Variants in HUWE1 observed in about 807,000 individuals in gnomAD.
The protein encoded by HUWE1 is E3 ubiquitin-protein ligase HUWE1.
A neutral mutation model predicts 299.4 loss-of-function variants in HUWE1; 18 were observed. The ratio of observed to expected loss-of-function variants is 0.06; its 90% confidence interval spans 0.04 to 0.09. The LOEUF is 0.09. Among genes scored for constraint, HUWE1 ranks in the 10% least tolerant of loss-of-function variants. The probability of loss-of-function intolerance (pLI) is 1.00; values close to 1 mark genes in which losing one functional copy is unlikely to be tolerated. For missense variants in HUWE1, 1,832 were observed against 3,462.3 expected (o/e 0.53, Z 11.82); for synonymous variants, 1,317 against 1,286.1 (o/e 1.02, Z -0.51).
intron 2 of HUWE1, among the ~76,000 whole-genome samples, chrX:53,681,826 G>A (rs2070171653): frequency 8.9e-6 from 1 of 112,371 alleles, no homozygotes; most frequent in South Asian, 3.6e-4. Flanking sequence ...GAAATGAGTA[G>A]GCAGGGCATG....
chrX:53,631,790 T>A (rs2066896438), intron 9 of HUWE1, 176 bp from the exon 10 acceptor site: 1 of 444,906 alleles, frequency 2.2e-6, no homozygotes, highest in Non-Finnish European at 3.9e-6. Flanking sequence ...CCATCTTATA[T>A]GTAGAATATT....
intron 23 of HUWE1, 84 bp downstream of exon 23, chrX:53,614,450 A>T: frequency 1.4e-6 from 1 of 693,122 alleles, no homozygotes; most frequent in Non-Finnish European, 2.4e-6. Context: ...TGCTTTTTAT[A>T]GATGAAAGTG....
chrX:53,659,005 CATG>C (rs1196000470), intron 3 of HUWE1, among the ~76,000 whole-genome samples: 3 of 112,804 alleles, frequency 2.7e-5, no homozygotes, highest in Non-Finnish European at 5.6e-5. Context: ...AAATTAAAAC[CATG>C]ATGATATATC....
chrX:53,611,188 TAA>T (rs1204862205), intron 23 of HUWE1, among the ~76,000 whole-genome samples: 8 of 60,791 alleles, frequency 1.3e-4, no homozygotes, highest in Non-Finnish European at 1.3e-4. Flanking sequence ...GCTGATTTTG[TAA>T]AAAAAAAAAA....
intron 28 of HUWE1, among the ~76,000 whole-genome samples, chrX:53,602,265 C>T (rs900350352): frequency 1.5e-4 from 16 of 108,124 alleles, no homozygotes; most frequent in Admixed American, 3.0e-4. Context: ...AAGAGATCTA[C>T]GAAATGTTTT....
rs1556992045 is a variant in HUWE1, at chrX:53,602,581, T to C, written c.2954A>G (p.Gln985Arg). Residue 985 changes from glutamine to arginine, a missense_variant, in exon 28 of 84, where the codon CAG becomes CGG. Physicochemically the swap from Gln to Arg is conservative, Grantham distance 43. Around this residue, in one of 15 missense-constraint regions of HUWE1, gnomAD observed 658 missense variants for 1,282.6 expected, o/e 0.51. Transcript: ENST00000262854. ...VPKDEKAGTT[Q>R]GGKRSDGEQD... Reference sequence around the variant, plus strand: ...AGAGTTACCTGATCTTTTTCCGCCCTGGGTCGTACCTGCCTTCTCATCCTT... The same window carrying C: ...AGAGTTACCTGATCTTTTTCCGCCCCGGGTCGTACCTGCCTTCTCATCCTT... 3 of 1,177,967 alleles carry C rather than the reference T, an allele frequency of 2.5e-6. No individual in the cohort carries two copies.
At chrX:53,590,531 A>G (rs781865940) in intron 34 of HUWE1, 32 bp from the exon 35 acceptor site, 51 of 1,044,486 alleles carry the variant, frequency 4.9e-5, no homozygotes, top group Non-Finnish European at 6.6e-5. Context: ...CAGTAAGGAT[A>G]CACACTCAAA....
Position 53,617,218 on chromosome X carries a change from T to C in HUWE1, c.1780-71A>G, listed in dbSNP as rs782069982. On this transcript the variant is annotated intron_variant, in intron 20 of 83. Coordinates refer to ENST00000262854, the MANE Select transcript of HUWE1 (RefSeq NM_031407.7). ...GATGCTAGGAAAATCCGGCCATGGGTATCAAGCTGAGATAGAAGGAATTTT... is the reference window on the plus strand; with the variant it reads ...GATGCTAGGAAAATCCGGCCATGGGCATCAAGCTGAGATAGAAGGAATTTT... 4.8e-6 allele frequency: 5 copies of C among 1,048,287 alleles called. No homozygotes were observed. In the East Asian group the frequency reaches 1.6e-4, roughly 33 times the overall value. 86.4% of individuals were successfully genotyped at this position (1,048,287 alleles called of 1,213,427 possible).
chrX:53,601,598 A>C (rs2064847351), intron 28 of HUWE1, among the ~76,000 whole-genome samples: 1 of 109,663 alleles, frequency 9.1e-6, no homozygotes. Context: ...AGTTGCTTGT[A>C]TTCATTTTAG....
intron 66 of HUWE1, 52 bp from the exon 67 acceptor site, chrX:53,549,557 G>A (rs1556926805): frequency 9.5e-7 from 1 of 1,051,594 alleles, no homozygotes; most frequent in Non-Finnish European, 1.3e-6. Flanking sequence ...AGAGCTCTGG[G>A]ATTAGGCATA....
rs782608172 is a variant in HUWE1 at position 53,600,132 on chromosome X, T to C, written c.3149A>G (p.Lys1050Arg). Residue 1050 changes from lysine to arginine, a missense_variant, in exon 29 of 84, where the codon AAG (lysine) becomes AGG (arginine). Physicochemically the swap from Lys to Arg is conservative, Grantham distance 26. Around this residue, in one of 15 missense-constraint regions of HUWE1, gnomAD observed 658 missense variants for 1,282.6 expected, o/e 0.51. Transcript: ENST00000262854. ...GAATGACTCACCTGATAACAAAGGC[T>C]TGATTTGCTTAATTCTGGCAGCCAT... Reference protein sequence around the residue: ...PAMAARIKQIKPLLSASSRLG... With the variant: ...PAMAARIKQIRPLLSASSRLG... 3 of 1,209,924 alleles carry C rather than the reference T, an allele frequency of 2.5e-6. No homozygotes were observed. The African/African-American group carries it at 5.2e-5, about 21-fold the overall frequency.
At chrX:53,539,320 T>TAAAAAAA (rs34154526) in intron 75 of HUWE1, among the ~76,000 whole-genome samples, 20 of 52,819 alleles carry the variant, frequency 3.8e-4, no homozygotes, top group East Asian at 1.3e-3. Flanking sequence ...ATTTCTGATT[T>TAAAAAAA]AAAAAAAAAA....
At chrX:53,622,560 C>T (rs901466891) in intron 19 of HUWE1, among the ~76,000 whole-genome samples, 11 of 110,985 alleles carry the variant, frequency 9.9e-5, no homozygotes, top group African/African-American at 3.6e-4. Flanking sequence ...TAGAGGTTAC[C>T]GAGACATGTT....
chrX:53,673,152 GCCA>G (rs201269993), intron 3 of HUWE1, among the ~76,000 whole-genome samples: 1,444 of 111,688 alleles, frequency 0.013, 54 homozygotes, highest in East Asian at 0.083. Flanking sequence ...TTTTTGTGTG[GCCA>G]CCACATCGGT....
chrX:53,596,785 G>A (rs1177414696), intron 29 of HUWE1, among the ~76,000 whole-genome samples: 1 of 112,516 alleles, frequency 8.9e-6, no homozygotes, highest in Non-Finnish European at 1.9e-5. Context: ...GACGTTGGAA[G>A]TGCTCCCAAG....
chrX:53,642,943 A>G (rs2067704130), intron 7 of HUWE1, among the ~76,000 whole-genome samples: 1 of 112,438 alleles, frequency 8.9e-6, no homozygotes, highest in Non-Finnish European at 1.9e-5. Context: ...TTTTGTATGC[A>G]GACCAGCTGC....
At chrX:53,604,499 T>C in intron 26 of HUWE1, 90 bp downstream of exon 26, 2 of 1,043,634 alleles carry the variant, frequency 1.9e-6, no homozygotes, top group South Asian at 3.8e-5. Context: ...CAGGCAGACC[T>C]CCTTTCAAGC....
In HUWE1 at chrX:53,564,031, T is replaced by C. The variant is rs185788583; in HGVS notation, c.7030-210A>G. ...CCAGACTATCCTTCAAATGGGTCCA[T>C]CCCAGTTATCTGATACTGGGTTGTC... On this transcript the variant is annotated intron_variant, in intron 51 of 83. Transcript: ENST00000262854. Among the ~76,000 whole-genome samples the C allele has an allele frequency of 6.4e-4, 72 of 112,134 alleles. 1 individual carries two copies. In the East Asian group the frequency reaches 0.018, roughly 28 times the overall value.
chrX:53,678,129 G>C (rs2069926697), intron 3 of HUWE1, among the ~76,000 whole-genome samples: 1 of 111,940 alleles, frequency 8.9e-6, no homozygotes, highest in Non-Finnish European at 1.9e-5. Flanking sequence ...ATCACATTAT[G>C]GGATCATTCT....
Sources: allele counts gnomAD v4.1 joint callset (sites outside exome capture counted in the v4.1 genomes callset), GRCh38; gene constraint gnomAD v4.1.1; regional missense constraint gnomAD v4.1.1; transcripts MANE v1.5; gene names NCBI Gene and HGNC (gene_info 2026-07-23, HGNC 2026-07-21).